ITPR1: variants seen among roughly 807,000 people sequenced by gnomAD.
ITPR1 encodes inositol 1,4,5-trisphosphate-gated calcium channel ITPR1.
In ITPR1, 96 loss-of-function variants were observed where a neutral mutation model predicts 318.4. The observed-to-expected ratio is 0.30, with a 90% confidence interval of 0.26 to 0.36. The LOEUF is 0.36. ITPR1 is among the 10% of genes least tolerant of loss of function. ITPR1 has a pLI of 1.00. For synonymous variants in ITPR1, 1,312 were observed against 1,289.9 expected, an observed-to-expected ratio of 1.02 and a Z score of -0.37; for missense variants, 2,440 against 3,460.2, an observed-to-expected ratio of 0.71 and a Z score of 7.40.
intron 51 of ITPR1, among the ~76,000 whole-genome samples, chr3:4,785,568 A>C (rs770368186): frequency 8.9e-5 from 8 of 89,884 alleles, no homozygotes; most frequent in Non-Finnish European, 1.3e-4. Context: ...ATGTGAGCAA[A>C]TATCTGATTT....
chr3:4,712,663 A>G (rs576508459), intron 39 of ITPR1, among the ~76,000 whole-genome samples: 22 of 152,354 alleles, frequency 1.4e-4, no homozygotes, highest in African/African-American at 5.3e-4. Context: ...AGAAGCCTTG[A>G]TAATTAAATC....
At chr3:4,750,870 G>A (rs1050969391) in intron 44 of ITPR1, 6 of 152,366 alleles carry the variant, frequency 3.9e-5, no homozygotes, top group Admixed American at 6.6e-5. Flanking sequence ...GTGTAGCCCC[G>A]GGACATCAGA....
At chr3:4,681,627 G>GTGTGTGTGTGTGTGTA (rs1559683019) in intron 26 of ITPR1, among the ~76,000 whole-genome samples, 113 of 43,208 alleles carry the variant, frequency 2.6e-3, no homozygotes, top group Middle Eastern at 0.023. Flanking sequence ...GAGAGAAAGT[G>GTGTGTGTGTGTGTGTA]TGTGTGTGTG....
intron 61 of ITPR1, among the ~76,000 whole-genome samples, chr3:4,841,904 G>T (rs2051372261): frequency 6.6e-6 from 1 of 152,188 alleles, no homozygotes; most frequent in Non-Finnish European, 1.5e-5. Context: ...AGTATTTGAG[G>T]CTCATCATTC....
At chr3:4,791,357 T>A (rs1009825237) in intron 52 of ITPR1, among the ~76,000 whole-genome samples, 2 of 152,076 alleles carry the variant, frequency 1.3e-5, no homozygotes, top group African/African-American at 4.8e-5. Context: ...GAGGGATGAT[T>A]TGGGGATGAA....
intron 40 of ITPR1, among the ~76,000 whole-genome samples, chr3:4,717,769 T>C (rs1424636949): frequency 6.6e-6 from 1 of 152,246 alleles, no homozygotes; most frequent in Non-Finnish European, 1.5e-5. Flanking sequence ...AAGCATCTGA[T>C]ACAAAACGAT....
chr3:4,720,344 C>A (rs752361427), intron 40 of ITPR1, among the ~76,000 whole-genome samples: 1 of 152,166 alleles, frequency 6.6e-6, no homozygotes, highest in South Asian at 2.1e-4. Flanking sequence ...GGCCAGGTAG[C>A]GGCTTAGGAG....
At chr3:4,556,188 C>T (rs1258443652) in intron 4 of ITPR1, among the ~76,000 whole-genome samples, 3 of 152,276 alleles carry the variant, frequency 2.0e-5, no homozygotes, top group Non-Finnish European at 2.9e-5. Flanking sequence ...GTCCCTTCCC[C>T]TACTCCACAG....
intron 31 of ITPR1, among the ~76,000 whole-genome samples, chr3:4,689,202 C>A (rs747613707): frequency 3.3e-5 from 5 of 152,120 alleles, no homozygotes; most frequent in Non-Finnish European, 5.9e-5. Context: ...AAATGACATT[C>A]CATAGAATGG....
At chr3:4,693,834 G>A in intron 33 of ITPR1, 93 bp downstream of exon 33, 1 of 1,394,916 alleles carries the variant, frequency 7.2e-7, no homozygotes, top group African/African-American at 1.4e-5. Context: ...CTGGCCTGGG[G>A]GAGCCCTCAT....
chr3:4,624,206 T>C (rs1038674051), intron 4 of ITPR1, among the ~76,000 whole-genome samples: 20 of 152,200 alleles, frequency 1.3e-4, no homozygotes, highest in African/African-American at 4.8e-4. Context: ...GTCATTTTAC[T>C]CTCTATAGCT....
At chr3:4,837,655 A>G (rs2051023245) in intron 61 of ITPR1, among the ~76,000 whole-genome samples, 1 of 152,020 alleles carries the variant, frequency 6.6e-6, no homozygotes, top group African/African-American at 2.4e-5. Context: ...TTCCAATTTA[A>G]AGTAAGTTGT....
chr3:4,569,016 C>T (rs2087697936), intron 4 of ITPR1, among the ~76,000 whole-genome samples: 1 of 152,140 alleles, frequency 6.6e-6, no homozygotes, highest in South Asian at 2.1e-4. Flanking sequence ...TCTTAAACGA[C>T]CAGATCTCTA....
rs761502520 is a variant in ITPR1 at position 4,663,046 on chromosome 3, TAGC to T, written c.1413-18_1413-16del. 10 of 1,612,192 alleles carry T rather than the reference TAGC, an allele frequency of 6.2e-6. No individual in the cohort carries two copies. Among genetic ancestry groups the T allele is most frequent in the Non-Finnish European group, 7.6e-6 (9 of 1,178,708 alleles). On this transcript the variant is annotated splice_polypyrimidine_tract_variant and intron_variant, in intron 15 of 61. Coordinates refer to ENST00000649015, the MANE Select transcript of ITPR1 (RefSeq NM_001378452.1). ...GAACACTGAACACATCTGTCTCTAA[TAGC>T]GTCTTTCCTCCTAAGGTCTGTAACC...
At chr3:4,829,762 T>C (rs1462342652) in intron 60 of ITPR1, among the ~76,000 whole-genome samples, 1 of 152,018 alleles carries the variant, frequency 6.6e-6, no homozygotes, top group Non-Finnish European at 1.5e-5. Flanking sequence ...TTCTGTGGGT[T>C]TTCACCAATT....
chr3:4,732,944 T>C, intron 42 of ITPR1, 144 bp from the exon 43 acceptor site: 1 of 821,512 alleles, frequency 1.2e-6, no homozygotes, highest in South Asian at 1.6e-5. Context: ...CTTCAGAGTT[T>C]CTAAATGCTT....
At chr3:4,775,465 A>G (rs1019112465) in intron 47 of ITPR1, 23 bp downstream of exon 47, 10 of 1,578,508 alleles carry the variant, frequency 6.3e-6, no homozygotes, top group Non-Finnish European at 8.7e-6. Flanking sequence ...CTGTTTTGGG[A>G]TGGGGAAAAA....
chr3:4,716,000 A>G (rs1426038259), intron 39 of ITPR1, among the ~76,000 whole-genome samples: 6 of 152,252 alleles, frequency 3.9e-5, no homozygotes, highest in South Asian at 2.1e-4. Flanking sequence ...ACCAATGCAT[A>G]TACTTCTCAG....
chr3:4,737,965 A>C lies in ITPR1; in HGVS notation c.5544+2611A>C, dbSNP rs139019815. 3.3e-3 allele frequency among the ~76,000 whole-genome samples: 496 copies of C among 152,304 alleles called. 3 individuals are homozygous for C. Among genetic ancestry groups the C allele is most frequent in the Non-Finnish European group, 5.6e-3 (381 of 68,030 alleles). The stretch of plus-strand genomic sequence containing the variant: ...CTTAGCAAAATAACACAGGAACAGA[A>C]AATCAAATACCGCATGTTCTCAGTT... On this transcript the variant is annotated intron_variant, in intron 44 of 61. Coordinates refer to ENST00000649015, the MANE Select transcript of ITPR1 (RefSeq NM_001378452.1).
Sources: gnomAD v4.1 joint callset for allele counts (sites outside exome capture counted in the v4.1 genomes callset) on GRCh38, gnomAD v4.1.1 for gene constraint, MANE v1.5 for transcripts, NCBI Gene and HGNC (gene_info 2026-07-23, HGNC 2026-07-21) for gene names.